PTPRD: variants seen among roughly 807,000 people sequenced by gnomAD.
PTPRD encodes protein tyrosine phosphatase receptor type D.
A neutral mutation model predicts 214.5 loss-of-function variants in PTPRD; 34 were observed. The ratio of observed to expected loss-of-function variants is 0.16; its 90% CI spans 0.12 to 0.21. PTPRD has a LOEUF of 0.21. Ranked by LOEUF, PTPRD falls within the 10% of genes least tolerant of loss-of-function variation. The probability of loss-of-function intolerance (pLI) is 1.00; values close to 1 mark genes in which losing one functional copy is unlikely to be tolerated. For missense variants in PTPRD, 2,545 were observed against 2,398.7 expected, an observed-to-expected ratio of 1.06 and a Z score of -1.27; for synonymous variants, 1,128 against 845.7, an observed-to-expected ratio of 1.33 and a Z score of -5.79.
rs373400711 is a variant in PTPRD at position 8,333,045 on chromosome 9, C to T, written c.5380-1309G>A. 3.4e-4 allele frequency among the ~76,000 whole-genome samples: 51 copies of T among 152,222 alleles called. 1 individual carries two copies. In the South Asian group the frequency reaches 1.0e-2, roughly 30 times the overall value. The stretch of plus-strand genomic sequence containing the variant: ...TGTGAGATGAGCACTCATCACCTCG[C>T]CTGGTGGTTTTCACAGGGACATGCC... On this transcript the variant is annotated intron_variant, in intron 43 of 45. Coordinates refer to ENST00000381196, the MANE Select transcript of PTPRD (RefSeq NM_002839.4).
At chr9:10,434,833 T>A (rs140018736) in intron 2 of PTPRD, among the ~76,000 whole-genome samples, 9 of 151,910 alleles carry the variant, frequency 5.9e-5, no homozygotes, top group Non-Finnish European at 1.3e-4. Flanking sequence ...CTGCCACTTT[T>A]ATGAATCTTA....
chr9:10,567,576 A>G (rs2066003749), intron 2 of PTPRD, among the ~76,000 whole-genome samples: 1 of 152,032 alleles, frequency 6.6e-6, no homozygotes, highest in African/African-American at 2.4e-5. Context: ...TTTTTCCTTG[A>G]TATCCATGAG....
chr9:9,033,275 G>T (rs932303080), intron 10 of PTPRD, among the ~76,000 whole-genome samples: 1 of 152,088 alleles, frequency 6.6e-6, no homozygotes, highest in African/African-American at 2.4e-5. Context: ...TGCTGGAGAA[G>T]GCTTTGGAAA....
chr9:8,370,341 C>T (rs1372245831), intron 39 of PTPRD, among the ~76,000 whole-genome samples: 1 of 151,846 alleles, frequency 6.6e-6, no homozygotes, highest in Non-Finnish European at 1.5e-5. Context: ...CTCTGCAATA[C>T]GAAGAGTAAG....
Position 8,317,116 on chromosome 9 carries a change from T to TATC in PTPRD, c.*755_*757dup, listed in dbSNP as rs1192744048. 18 of 231,760 alleles carry TATC rather than the reference T, an allele frequency of 7.8e-5. No individual in the cohort carries two copies. Among genetic ancestry groups the TATC allele is most frequent in the African/African-American group, 2.9e-4 (13 of 45,128 alleles). The allele number at this position is 231,760 out of a possible 1,614,324, so 14.4% of individuals were successfully genotyped here. A position where few individuals can be genotyped will look rare whatever the true frequency, so the allele number is the denominator to read the frequency against. The stretch of plus-strand genomic sequence containing the variant: ...TCAAAACTGAAGTGTAAAATTAATA[T>TATC]ATCTGACGAGACTGATACTGTAGAT... On this transcript the variant is annotated 3_prime_UTR_variant, in exon 46 of 46. Transcript: ENST00000381196.
Position 9,311,115 on chromosome 9 carries a change from C to T in PTPRD, c.-203+86334G>A, listed in dbSNP as rs142114540. Among the ~76,000 whole-genome samples, 445 of 151,840 alleles carry T rather than the reference C, an allele frequency of 2.9e-3. 1 individual carries two copies. The highest frequency in any genetic ancestry group is 6.6e-3 in the East Asian group (34 of 5,156). ...ACAGGGCAAAATAGGAAAAGGCAAACGCCAGCAATTACTAGAATTTATTGT... is the reference window on the plus strand; with the variant it reads ...ACAGGGCAAAATAGGAAAAGGCAAATGCCAGCAATTACTAGAATTTATTGT... On this transcript the variant is annotated intron_variant, in intron 9 of 45. Transcript: ENST00000381196.
chr9:8,327,857 C>G (rs528250815), intron 44 of PTPRD, among the ~76,000 whole-genome samples: 1 of 152,180 alleles, frequency 6.6e-6, no homozygotes, highest in African/African-American at 2.4e-5. Context: ...TTTTGCTTTC[C>G]ATTTGCTTGG....
Position 9,990,017 on chromosome 9 carries a change from A to G in PTPRD, c.-472+43701T>C, listed in dbSNP as rs150072232. Among the ~76,000 whole-genome samples the G allele has an allele frequency of 2.3e-3, 345 of 152,314 alleles. 2 individuals are homozygous for G. Among genetic ancestry groups the G allele is most frequent in the African/African-American group, 8.0e-3 (332 of 41,586 alleles). On this transcript the variant is annotated intron_variant, in intron 4 of 45. Transcript: ENST00000381196. Reference sequence around the variant, plus strand: ...TCAACTGGGGGCTCTCCCAGGATTCATCAGATGTGTGAGTAACATGGGGAT... The same window carrying G: ...TCAACTGGGGGCTCTCCCAGGATTCGTCAGATGTGTGAGTAACATGGGGAT...
chr9:8,660,448 C>T (rs2097017968), intron 12 of PTPRD, among the ~76,000 whole-genome samples: 1 of 152,128 alleles, frequency 6.6e-6, no homozygotes, highest in Non-Finnish European at 1.5e-5. Flanking sequence ...AACACTTATC[C>T]AAATTAGTTG....
At chr9:10,198,235 A>T (rs1443855418) in intron 3 of PTPRD, among the ~76,000 whole-genome samples, 5 of 152,142 alleles carry the variant, frequency 3.3e-5, no homozygotes, top group Non-Finnish European at 7.4e-5. Flanking sequence ...AACAAGAATG[A>T]ATCTCACAGA....
chr9:9,101,570 T>C (rs564452227), intron 10 of PTPRD, among the ~76,000 whole-genome samples: 4 of 152,240 alleles, frequency 2.6e-5, no homozygotes, highest in Admixed American at 2.0e-4. Flanking sequence ...ATTTACAAAA[T>C]AGGAAAACTA....
At chr9:9,880,916 G>A (rs572584731) in intron 5 of PTPRD, among the ~76,000 whole-genome samples, 1 of 151,938 alleles carries the variant, frequency 6.6e-6, no homozygotes, top group Non-Finnish European at 1.5e-5. Flanking sequence ...TTACATATTT[G>A]TATGTGTTCG....
intron 9 of PTPRD, among the ~76,000 whole-genome samples, chr9:9,193,201 C>G (rs2099936299): frequency 6.6e-6 from 1 of 151,970 alleles, no homozygotes; most frequent in African/African-American, 2.4e-5. Context: ...AAATTAGAAT[C>G]CACTGATTGA....
chr9:10,060,885 CTTCCTTCCTTCCTTCT>C lies in PTPRD; in HGVS notation c.-544-27111_-544-27096del, dbSNP rs1422455403. 1.1e-4 allele frequency among the ~76,000 whole-genome samples: 8 copies of C among 73,302 alleles called. No homozygotes were observed. In the African/African-American group the frequency reaches 1.2e-3, roughly 11 times the overall value. 48.1% of individuals were successfully genotyped at this position (73,302 alleles called of 152,430 possible). The stretch of plus-strand genomic sequence containing the variant: ...CCTTCCTTCTTTCCTTCCTTCCTTC[CTTCCTTCCTTCCTTCT>C]TTCTTTCTTTCTTTCTTTCTTTCTT... On this transcript the variant is annotated intron_variant, in intron 3 of 45. Transcript: ENST00000381196.
At chr9:10,189,922 C>A (rs1044824289) in intron 3 of PTPRD, among the ~76,000 whole-genome samples, 2 of 151,910 alleles carry the variant, frequency 1.3e-5, no homozygotes, top group Admixed American at 6.6e-5. Context: ...CAAAACAGAG[C>A]ACGGAAGAGA....
chr9:10,261,645 T>C (rs2093707298), intron 3 of PTPRD, among the ~76,000 whole-genome samples: 1 of 152,120 alleles, frequency 6.6e-6, no homozygotes, highest in South Asian at 2.1e-4. Context: ...AAAACAATGA[T>C]GCAGTATAAT....
At chr9:9,597,614 A>T (rs1246851924) in intron 7 of PTPRD, among the ~76,000 whole-genome samples, 2 of 152,036 alleles carry the variant, frequency 1.3e-5, no homozygotes, top group Non-Finnish European at 2.9e-5. Flanking sequence ...GGGGGAAGTC[A>T]ACAGTATCAC....
intron 9 of PTPRD, among the ~76,000 whole-genome samples, chr9:9,221,018 G>T (rs1187958759): frequency 1.3e-5 from 2 of 152,048 alleles, no homozygotes; most frequent in African/African-American, 4.8e-5. Flanking sequence ...ACTGCCTTCA[G>T]TTCTGTCCCT....
chr9:10,270,354 C>T (rs1340572879), intron 3 of PTPRD, among the ~76,000 whole-genome samples: 1 of 152,070 alleles, frequency 6.6e-6, no homozygotes, highest in Non-Finnish European at 1.5e-5. Flanking sequence ...GGCAATGCAT[C>T]TCTAGTTAAG....
Sources: allele counts gnomAD v4.1 joint callset (sites outside exome capture counted in the v4.1 genomes callset), GRCh38; gene constraint gnomAD v4.1.1; transcripts MANE v1.5; gene names NCBI Gene and HGNC (gene_info 2026-07-23, HGNC 2026-07-21).